Variants in F8 observed in about 807,000 individuals in gnomAD.
F8 encodes antihemophilic factor.
A neutral mutation model predicts 140.6 loss-of-function variants in F8; 12 were observed. The observed-to-expected ratio is 0.09, with a 90% CI of 0.05 to 0.14. F8 has a LOEUF of 0.14. Among genes scored for constraint, F8 ranks in the 10% least tolerant of loss-of-function variants. F8 has a pLI of 1.00. For missense variants in F8, 1,354 were observed against 1,720.7 expected (o/e 0.79, Z 3.77); for synonymous variants, 585 against 614.6 (o/e 0.95, Z 0.71).
chrX:154,969,991 T>C (rs2073447579), intron 6 of F8, among the ~76,000 whole-genome samples: 1 of 111,891 alleles, frequency 8.9e-6, no homozygotes, highest in Non-Finnish European at 1.9e-5. Flanking sequence ...AAAACCAAAT[T>C]TACAATTTTC....
At position 154,931,065 on chromosome X, in the gene F8, G is replaced by T; in HGVS notation, c.2725C>A (p.Pro909Thr). 8.3e-7 allele frequency: 1 copy of T among 1,199,539 alleles called. No individual in the cohort carries two copies. Among genetic ancestry groups the T allele is most frequent in the African/African-American group, 1.7e-5 (1 of 57,348 alleles). Residue 909 changes from proline to threonine, a missense_variant, in exon 14 of 26, where the codon CCA becomes ACA. Around this residue, in one of 4 missense-constraint regions of F8, gnomAD observed 658 missense variants for 666.5 expected, o/e 0.99. Coordinates refer to ENST00000360256, the MANE Select transcript of F8 (RefSeq NM_000132.4). ...GTACCTGCTGCCAAATTGTCTGATG[G>T]AATTGTTGAAATCAGATTATTTGAT... ...STSNNLISTI[P>T]SDNLAAGTDN...
intron 25 of F8, among the ~76,000 whole-genome samples, chrX:154,842,404 G>A (rs1282135720): frequency 9.0e-6 from 1 of 111,103 alleles, no homozygotes; most frequent in Non-Finnish European, 1.9e-5. Context: ...TGTTTCACTA[G>A]CTTCTTGAGA....
At chrX:154,839,894 T>C (rs1254447096) in intron 25 of F8, among the ~76,000 whole-genome samples, 1 of 112,385 alleles carries the variant, frequency 8.9e-6, no homozygotes, top group Non-Finnish European at 1.9e-5. Context: ...TAAACATCTA[T>C]AGAAATAAAG....
intron 14 of F8, among the ~76,000 whole-genome samples, chrX:154,927,006 T>G (rs144579371): frequency 9.0e-6 from 1 of 111,327 alleles, no homozygotes; most frequent in East Asian, 2.8e-4. Flanking sequence ...AGATTGGCAG[T>G]AAGTTTAGTA....
At chrX:154,935,939 A>G (rs1467301485) in intron 13 of F8, among the ~76,000 whole-genome samples, 1 of 106,733 alleles carries the variant, frequency 9.4e-6, no homozygotes, top group African/African-American at 3.6e-5. Flanking sequence ...AAAATTAATG[A>G]TACCAAATTA....
At chrX:154,878,576 C>T (rs781785185) in intron 22 of F8, among the ~76,000 whole-genome samples, 2 of 110,802 alleles carry the variant, frequency 1.8e-5, no homozygotes, top group Admixed American at 1.9e-4. Context: ...ACATTAGAAA[C>T]GAGACAAGAA....
intron 14 of F8, among the ~76,000 whole-genome samples, chrX:154,915,490 T>C (rs1180807923): frequency 8.9e-6 from 1 of 112,282 alleles, no homozygotes; most frequent in East Asian, 2.8e-4. Flanking sequence ...CTTCTTCAAT[T>C]CCTTTCATCA....
chrX:154,903,652 T>C (rs2073021512), intron 18 of F8, among the ~76,000 whole-genome samples: 1 of 112,374 alleles, frequency 8.9e-6, no homozygotes, highest in Non-Finnish European at 1.9e-5. Context: ...AAATTCCTTT[T>C]CCCTAGGAAA....
chrX:154,950,601 A>C (rs2073332497), intron 12 of F8, among the ~76,000 whole-genome samples: 1 of 111,893 alleles, frequency 8.9e-6, no homozygotes, highest in Non-Finnish European at 1.9e-5. Context: ...TGTACATCAC[A>C]ATGTTTATAT....
chrX:154,942,404 C>T (rs1320342317), intron 13 of F8, among the ~76,000 whole-genome samples: 9 of 109,094 alleles, frequency 8.2e-5, no homozygotes, highest in African/African-American at 3.0e-4. Context: ...CGCAAATAAA[C>T]TAGAAAATCT....
chrX:154,909,755 G>A (rs1557276602), intron 14 of F8: 1 of 112,004 alleles, frequency 8.9e-6, no homozygotes, highest in Non-Finnish European at 1.9e-5. Context: ...CATGTTTTGG[G>A]GATACATGTG....
intron 9 of F8, 109 bp downstream of exon 9, chrX:154,965,861 A>T: frequency 1.3e-6 from 1 of 743,835 alleles, no homozygotes; most frequent in Non-Finnish European, 2.0e-6. Context: ...TATAGCTTTT[A>T]AAAGATCATG....
chrX:154,945,358 A>T (rs1381199605), intron 13 of F8, among the ~76,000 whole-genome samples: 6 of 111,441 alleles, frequency 5.4e-5, no homozygotes, highest in African/African-American at 2.0e-4. Context: ...ATCCTCAACG[A>T]ACTACTAGCA....
chrX:154,991,945 A>G (rs1409441244), intron 4 of F8, among the ~76,000 whole-genome samples: 2 of 111,834 alleles, frequency 1.8e-5, no homozygotes, highest in African/African-American at 6.5e-5. Context: ...TCTAACTAAT[A>G]GAATGTAGGT....
At chrX:154,846,311 G>A (rs1190258689) in intron 25 of F8, among the ~76,000 whole-genome samples, 8 of 111,871 alleles carry the variant, frequency 7.2e-5, no homozygotes, top group Non-Finnish European at 1.3e-4. Context: ...GCTTGCTGCA[G>A]AGCTGAGTTC....
chrX:154,863,348 A>G (rs2072708932), intron 22 of F8, 121 bp from the exon 23 acceptor site: 6 of 625,546 alleles, frequency 9.6e-6, no homozygotes, highest in Admixed American at 4.7e-5. Flanking sequence ...CAACATCTAC[A>G]TAAGACAACT....
chrX:154,910,633 G>T (rs1443874607), intron 14 of F8, among the ~76,000 whole-genome samples: 1 of 112,316 alleles, frequency 8.9e-6, no homozygotes, highest in Non-Finnish European at 1.9e-5. Context: ...ACTGCGGAAG[G>T]CCGCAGGGAC....
chrX:154,904,588 T>A, intron 16 of F8, 64 bp from the exon 17 acceptor site: 1 of 1,025,983 alleles, frequency 9.7e-7, no homozygotes, highest in Non-Finnish European at 1.4e-6. Context: ...AGAGTGGATT[T>A]CTCATCAATT....
At position 154,910,805 on chromosome X, in the gene F8, G is replaced by C. The variant is rs782801507; in HGVS notation, c.5220-4232C>G. Among the ~76,000 whole-genome samples the C allele has an allele frequency of 1.1e-4, 12 of 109,705 alleles. No homozygotes were observed. The South Asian group carries it at 4.2e-3, about 38-fold the overall frequency. On this transcript the variant is annotated intron_variant, in intron 14 of 25. Coordinates refer to ENST00000360256, the MANE Select transcript of F8 (RefSeq NM_000132.4). Reference sequence around the variant, plus strand: ...GAAAGAGGAAGTCCTCTTTGCAGTTGAGATAAGAGGAAGGCATCTGTCTCC... The same window carrying C: ...GAAAGAGGAAGTCCTCTTTGCAGTTCAGATAAGAGGAAGGCATCTGTCTCC...
Sources: allele counts gnomAD v4.1 joint callset (sites outside exome capture counted in the v4.1 genomes callset), GRCh38; gene constraint gnomAD v4.1.1; regional missense constraint gnomAD v4.1.1; transcripts MANE v1.5; gene names NCBI Gene and HGNC (gene_info 2026-07-23, HGNC 2026-07-21).